The following CR2 variants were observed in gnomAD, a reference collection of about 807,000 sequenced individuals.
The protein encoded by CR2 is complement C3d receptor 2, also known as complement receptor type 2.
In CR2, 96 loss-of-function variants were observed where a neutral mutation model predicts 123.0. That is an observed-to-expected ratio of 0.78 (90% confidence interval 0.66 to 0.93). The LOEUF (loss-of-function observed/expected upper bound fraction) is 0.93. CR2 is among the 40% of genes least tolerant of loss of function. The probability of loss-of-function intolerance (pLI) is 0.00; values close to 1 mark genes in which losing one functional copy is unlikely to be tolerated. For missense variants in CR2, 1,258 were observed against 1,361.0 expected (o/e 0.92, Z 1.19); for synonymous variants, 484 against 469.5 (o/e 1.03, Z -0.40).
Position 207,468,891 on chromosome 1 carries a change from T to G in CR2, c.726T>G (p.Cys242Trp). The G allele has an allele frequency of 6.2e-7, 1 of 1,613,600 alleles. No individual in the cohort carries two copies. Among genetic ancestry groups the G allele is most frequent in the Non-Finnish European group, 8.5e-7 (1 of 1,179,584 alleles). Residue 242 changes from cysteine (C) to tryptophan (W), a missense_variant, in exon 4 of 20, where the codon TGT becomes TGG. Coordinates refer to ENST00000367057, the MANE Select transcript of CR2 (RefSeq NM_001006658.3). ...LRVGVTANFF[C>W]DEGYRLQGPP... is the part of the protein sequence containing the mutation. ...TTGGTGTAACTGCAAACTTTTTCTGTGATGAAGGGTGAGTGTCAGGATTAT... is the reference window on the plus strand; with the variant it reads ...TTGGTGTAACTGCAAACTTTTTCTGGGATGAAGGGTGAGTGTCAGGATTAT...
intron 15 of CR2, 109 bp from the exon 16 acceptor site, chr1:207,477,772 TACTG>T: frequency 1.2e-6 from 1 of 843,914 alleles, no homozygotes; most frequent in East Asian, 2.6e-5. Context: ...CAGCTTTCCT[TACTG>T]AGAGTGAAAC....
intron 6 of CR2, 27 bp downstream of exon 6, chr1:207,470,129 T>A (rs747660345): frequency 6.2e-7 from 1 of 1,612,216 alleles, no homozygotes. Context: ...TCAGAAAAGG[T>A]GCTTCTGATT....
At chr1:207,456,283 A>G (rs1657831897) in intron 1 of CR2, among the ~76,000 whole-genome samples, 2 of 152,124 alleles carry the variant, frequency 1.3e-5, no homozygotes, top group South Asian at 4.2e-4. Flanking sequence ...CTCCACTGCT[A>G]ACTTTTACTG....
intron 1 of CR2, among the ~76,000 whole-genome samples, chr1:207,462,494 T>TA (rs1297586468): frequency 6.6e-6 from 1 of 152,142 alleles, no homozygotes; most frequent in East Asian, 1.9e-4. Context: ...ATATATGCAT[T>TA]TTTTCCCTAT....
chr1:207,477,354 C>G (rs1484225898), intron 15 of CR2, among the ~76,000 whole-genome samples: 2 of 152,120 alleles, frequency 1.3e-5, no homozygotes, highest in African/African-American at 2.4e-5. Flanking sequence ...GGAAACCCCA[C>G]CCCCATGATC....
rs770418433 is a variant in CR2, at chr1:207,471,070, C to T, written c.1476C>T (p.Asn492=). 1.9e-6 allele frequency: 3 copies of T among 1,613,644 alleles called. No homozygotes were observed. Among genetic ancestry groups the T allele is most frequent in the Non-Finnish European group, 2.5e-6 (3 of 1,179,798 alleles). The change falls in exon 8 of 20, where the codon AAC becomes AAT. Residue 492 remains asparagine (N), a synonymous_variant. Coordinates refer to ENST00000367057, the MANE Select transcript of CR2 (RefSeq NM_001006658.3). ...PQHQFVRPDV[N]SSCGEGYKLS... is the part of the protein sequence containing the mutation. Reference sequence around the variant, plus strand: ...ACCAATTTGTTAGACCAGATGTCAACTCTTCTTGTGGTGAAGGGTGAGTGA... The same window carrying T: ...ACCAATTTGTTAGACCAGATGTCAATTCTTCTTGTGGTGAAGGGTGAGTGA...
At position 207,480,052 on chromosome 1, in the gene CR2, C is replaced by T. The variant is rs145499318; in HGVS notation, c.3187C>T (p.Arg1063Cys). ...TLYVISKHRA[R>C]NYYTDTSQKE... ...ATACGTGATATCAAAACACAGAGCA[C>T]GGTAAGTTCAAAGGCGAATACTTGA... Residue 1063 changes from arginine to cysteine, a missense_variant and splice_region_variant, in exon 18 of 20, where the codon CGC (arginine) becomes TGC (cysteine). Transcript: ENST00000367057. 934 of 1,607,614 alleles carry T rather than the reference C, an allele frequency of 5.8e-4. 3 individuals carry two copies. Among genetic ancestry groups the T allele is most frequent in the South Asian group, 9.1e-4 (83 of 90,928 alleles).
intron 10 of CR2, among the ~76,000 whole-genome samples, 162 bp from the exon 11 acceptor site, chr1:207,473,383 T>G (rs1431782697): frequency 1.3e-5 from 2 of 152,194 alleles, no homozygotes; most frequent in Non-Finnish European, 2.9e-5. Flanking sequence ...GGGTAGATAA[T>G]GAGAGAGCCT....
At chr1:207,473,256 A>C in intron 10 of CR2, 77 bp downstream of exon 10, 1 of 1,546,580 alleles carries the variant, frequency 6.5e-7, no homozygotes, top group Non-Finnish European at 8.8e-7. Context: ...CCAAAACTGC[A>C]TCATGGAAAG....
intron 9 of CR2, chr1:207,471,845 G>A (rs1658292594): frequency 2.9e-6 from 1 of 349,940 alleles, no homozygotes; most frequent in African/African-American, 2.1e-5. Flanking sequence ...TGTCTCTACT[G>A]CTTACTAGTG....
chr1:207,478,361 A>G (rs1658500000), intron 16 of CR2, among the ~76,000 whole-genome samples: 2 of 147,600 alleles, frequency 1.4e-5, no homozygotes, highest in Admixed American at 1.4e-4. Context: ...GGTCTCTACC[A>G]AAAAAAAAAT....
At chr1:207,456,880 CCTT>C (rs1319291170) in intron 1 of CR2, among the ~76,000 whole-genome samples, 2 of 152,316 alleles carry the variant, frequency 1.3e-5, no homozygotes, top group African/African-American at 2.4e-5. Context: ...GCCACACTGG[CCTT>C]CTCTTTATTC....
intron 2 of CR2, among the ~76,000 whole-genome samples, chr1:207,467,579 G>C (rs1341253511): frequency 6.6e-6 from 1 of 151,934 alleles, no homozygotes; most frequent in East Asian, 1.9e-4. Flanking sequence ...TATCAAATTA[G>C]GTATTTTCTT....
intron 1 of CR2, among the ~76,000 whole-genome samples, chr1:207,455,645 A>G (rs545558213): frequency 8.0e-4 from 122 of 152,322 alleles, no homozygotes; most frequent in Non-Finnish European, 1.4e-3. Flanking sequence ...TCTCCAGACC[A>G]TTATCTTCAT....
intron 19 of CR2, among the ~76,000 whole-genome samples, chr1:207,486,445 T>C (rs1658752347): frequency 6.6e-6 from 1 of 152,114 alleles, no homozygotes; most frequent in South Asian, 2.1e-4. Context: ...AAGTCTGCTA[T>C]GTCATTGTAA....
At chr1:207,472,157 G>C (rs1446402364) in intron 9 of CR2, among the ~76,000 whole-genome samples, 1 of 152,052 alleles carries the variant, frequency 6.6e-6, no homozygotes, top group Non-Finnish European at 1.5e-5. Context: ...ACTGAGGCAG[G>C]AGAATCACTT....
In CR2 at chr1:207,473,855, T is replaced by C. The variant is rs1423776613; in HGVS notation, c.2210T>C (p.Val737Ala). The change falls in exon 12 of 20, where the codon GTG becomes GCG. Residue 737 changes from valine (V) to alanine (A), a missense_variant. Physicochemically the swap from Val to Ala is moderately conservative, Grantham distance 64. Transcript: ENST00000367057. ...SLQELPAGSR[V>A]ELVNTSCQDG... ...CAAGAACTTCCAGCTGGTTCACGTG[T>C]GGAGCTAGTTAATACGTCCTGCCAA... 6.2e-7 allele frequency: 1 copy of C among 1,613,962 alleles called. No homozygotes were observed.
intron 17 of CR2, 78 bp from the exon 18 acceptor site, chr1:207,479,900 C>A: frequency 9.7e-7 from 1 of 1,032,054 alleles, no homozygotes; most frequent in Non-Finnish European, 1.5e-6. Context: ...CCACCACTAG[C>A]AATAGGCCCT....
In CR2 at chr1:207,472,932, A is replaced by C; in HGVS notation, c.1731A>C (p.Thr577=). Reference sequence around the variant, plus strand: ...TTGGAGAGAGCACCATCCGTTGTACAAGCAATGATCAAGAAAGAGGCACCT... The same window carrying C: ...TTGGAGAGAGCACCATCCGTTGTACCAGCAATGATCAAGAAAGAGGCACCT... ...SLIGESTIRC[T]SNDQERGTWS... is the part of the protein sequence containing the mutation. Residue 577 remains threonine (T), a synonymous_variant, in exon 10 of 20, where the codon ACA becomes ACC. Transcript: ENST00000367057. The C allele has an allele frequency of 6.2e-7, 1 of 1,614,072 alleles. No homozygotes were observed. The highest frequency in any genetic ancestry group is 8.5e-7 in the Non-Finnish European group (1 of 1,179,960).
Sources: gnomAD v4.1 joint callset for allele counts (sites outside exome capture counted in the v4.1 genomes callset) on GRCh38, gnomAD v4.1.1 for gene constraint, MANE v1.5 for transcripts, NCBI Gene and HGNC (gene_info 2026-07-23, HGNC 2026-07-21) for gene names.